The following ZNF202 variants were observed in gnomAD, a reference collection of about 807,000 sequenced individuals.
The protein encoded by ZNF202 is zinc finger protein 202, also known as zinc finger protein with KRAB and SCAN domains 10.
In ZNF202, 22 loss-of-function variants were observed where a neutral mutation model predicts 54.5. That is an observed-to-expected ratio of 0.40 (90% CI 0.29 to 0.58). The LOEUF is 0.58. Ranked by LOEUF, ZNF202 falls within the 20% of genes least tolerant of loss-of-function variation. The pLI is 0.39. For missense variants in ZNF202, 644 were observed against 805.5 expected (o/e 0.80, Z 2.43); for synonymous variants, 294 against 301.4 (o/e 0.98, Z 0.26).
chr11:123,736,752 T>G (rs2137366701), intron 3 of ZNF202, among the ~76,000 whole-genome samples: 1 of 152,338 alleles, frequency 6.6e-6, no homozygotes, highest in Non-Finnish European at 1.5e-5. Context: ...ACAATTTCCC[T>G]AAGCCTCAGT....
intron 7 of ZNF202, 29 bp downstream of exon 7, chr11:123,728,104 A>C (rs767613216): frequency 1.9e-6 from 3 of 1,595,394 alleles, no homozygotes; most frequent in Non-Finnish European, 2.6e-6. Context: ...CTGGGCTTAG[A>C]ACACTCTAGA....
chr11:123,732,839 CTT>C (rs1861469195), intron 3 of ZNF202, among the ~76,000 whole-genome samples: 1 of 152,158 alleles, frequency 6.6e-6, no homozygotes, highest in African/African-American at 2.4e-5. Context: ...TTTACTATCT[CTT>C]GATTATTCAC....
rs965676802 is a variant in ZNF202, at chr11:123,724,943, G to C, written c.*1054C>G. On this transcript the variant is annotated 3_prime_UTR_variant, in exon 9 of 9. Transcript: ENST00000530393. ...TCTTATTTTCCATAATTTGGTCTTA[G>C]TCGTTCTCCAGTTGTCTTCATGTAA... 6.6e-6 allele frequency: 1 copy of C among 152,196 alleles called. No individual in the cohort carries two copies. Among genetic ancestry groups the C allele is most frequent in the Non-Finnish European group, 1.5e-5 (1 of 68,062 alleles). 9.4% of individuals were successfully genotyped at this position (152,196 alleles called of 1,614,324 possible). A position where few individuals can be genotyped will look rare whatever the true frequency, so the allele number is the denominator to read the frequency against.
At chr11:123,736,909 G>A (rs1009543963) in intron 3 of ZNF202, among the ~76,000 whole-genome samples, 9 of 152,122 alleles carry the variant, frequency 5.9e-5, no homozygotes, top group Non-Finnish European at 1.3e-4. Context: ...CAAGCTATTT[G>A]AAATCGTTTT....
In ZNF202 at chr11:123,725,350, T is replaced by TG. The variant is rs1024604360; in HGVS notation, c.*646dup. 6.6e-6 allele frequency: 1 copy of TG among 152,218 alleles called. No individual in the cohort carries two copies. The highest frequency in any genetic ancestry group is 2.4e-5 in the African/African-American group (1 of 41,424). The allele number at this position is 152,218 out of a possible 1,614,324, so 9.4% of individuals were successfully genotyped here. ...TTGGCACCTGATAACAATTTGACGCTGGGGGAGGGAGCAGCTTGACAAGGT... is the reference window on the plus strand; with the variant it reads ...TTGGCACCTGATAACAATTTGACGCTGGGGGGAGGGAGCAGCTTGACAAGGT... On this transcript the variant is annotated 3_prime_UTR_variant, in exon 9 of 9. Coordinates refer to ENST00000530393, the MANE Select transcript of ZNF202 (RefSeq NM_003455.4).
Position 123,725,396 on chromosome 11 carries a change from A to AT in ZNF202, c.*600dup, listed in dbSNP as rs932808382. Reference sequence around the variant, plus strand: ...AAGGTCCACATGAAGCAGCCTTGAGATTTTTCGCCCACTTCCATTTCTCCT... The same window carrying AT: ...AAGGTCCACATGAAGCAGCCTTGAGATTTTTTCGCCCACTTCCATTTCTCCT... On this transcript the variant is annotated 3_prime_UTR_variant, in exon 9 of 9. Transcript: ENST00000530393. 2.6e-5 allele frequency: 4 copies of AT among 152,322 alleles called. No individual in the cohort carries two copies. The highest frequency in any genetic ancestry group is 4.8e-5 in the African/African-American group (2 of 41,534). 9.4% of individuals were successfully genotyped at this position (152,322 alleles called of 1,614,324 possible). A position where few individuals can be genotyped will look rare whatever the true frequency, so the allele number is the denominator to read the frequency against.
chr11:123,731,577 C>T (rs1861407832), intron 3 of ZNF202, among the ~76,000 whole-genome samples: 1 of 152,214 alleles, frequency 6.6e-6, no homozygotes, highest in South Asian at 2.1e-4. Flanking sequence ...TGGAGTCAAG[C>T]TGCCTGGGTT....
chr11:123,730,506 G>T lies in ZNF202; in HGVS notation c.383C>A (p.Pro128His). The part of the protein sequence containing the change: ...VTLVEGLQKQ[P>H]RRPRRWVTVH... ...CCTCACCCACCGCCTTGGTCTCCTG[G>T]GTTGTTTCTGCAAACCCTCCACCAG... The change falls in exon 4 of 9, where the codon CCC becomes CAC. Residue 128 changes from proline (P) to histidine (H), a missense_variant. By Grantham distance (77) the Pro-to-His change is moderately conservative. This residue lies in a region of ZNF202 where 62 missense variants were observed against 122.8 expected (regional missense o/e 0.50). Coordinates refer to ENST00000530393, the MANE Select transcript of ZNF202 (RefSeq NM_003455.4). The surrounding 1 kb of genome is among the most constrained non-coding windows in gnomAD (Gnocchi z 6.0). The T allele has an allele frequency of 1.3e-6, 2 of 1,533,760 alleles. No individual in the cohort carries two copies. The highest frequency in any genetic ancestry group is 1.7e-6 in the Non-Finnish European group (2 of 1,143,192).
At chr11:123,731,706 T>C (rs868449144) in intron 3 of ZNF202, among the ~76,000 whole-genome samples, 3 of 152,240 alleles carry the variant, frequency 2.0e-5, no homozygotes, top group African/African-American at 7.2e-5. Context: ...TTTTATCTAA[T>C]AGGCTTACTG....
chr11:123,728,277 G>C lies in ZNF202; in HGVS notation c.703-15C>G. ...GTTACCAGTCCCTGAAACCACATAAGGATTTCATCAAAACGTGATGCTACG... is the reference window on the plus strand; with the variant it reads ...GTTACCAGTCCCTGAAACCACATAACGATTTCATCAAAACGTGATGCTACG... On this transcript the variant is annotated splice_polypyrimidine_tract_variant and intron_variant, in intron 6 of 8. Transcript: ENST00000530393. The C allele has an allele frequency of 1.3e-6, 2 of 1,599,674 alleles. No individual in the cohort carries two copies. The highest frequency in any genetic ancestry group is 1.7e-6 in the Non-Finnish European group (2 of 1,172,658).
At chr11:123,727,016 G>A (rs1196540964) in intron 8 of ZNF202, 25 bp from the exon 9 acceptor site, 2 of 1,587,082 alleles carry the variant, frequency 1.3e-6, no homozygotes, top group East Asian at 2.2e-5. Flanking sequence ...AGAGGAAAAA[G>A]GGGGTCACTG....
In ZNF202 at chr11:123,730,616, C is replaced by T; in HGVS notation, c.273G>A (p.Leu91=). ...TKEQILELLV[L]EQFLTVLPGE... ...CAGGTAGGACGGTAAGAAATTGTTC[C>T]AGCACAAGCAGCTCTAGGATCTGCT... The change falls in exon 4 of 9, where the codon CTG becomes CTA. Residue 91 remains leucine, a synonymous_variant. Transcript: ENST00000530393. This position sits in a 1 kb window ranked among gnomAD's most constrained non-coding sequence, Gnocchi z 6.0. 1 of 1,612,768 alleles carries T rather than the reference C, an allele frequency of 6.2e-7. No homozygotes were observed. Among genetic ancestry groups the T allele is most frequent in the Non-Finnish European group, 8.5e-7 (1 of 1,179,236 alleles).
rs1202447662 is a variant in ZNF202 at position 123,726,532 on chromosome 11, G to C, written c.1412C>G (p.Ala471Gly). The C allele has an allele frequency of 6.2e-7, 1 of 1,614,130 alleles. No homozygotes were observed. The highest frequency in any genetic ancestry group is 1.3e-5 in the African/African-American group (1 of 74,946). ...TTTCTCCACTGATGGAGTTCTCTCA[G>C]CCTGTGTCACAGGGGAGGTCTCTTC... Reference protein sequence around the residue: ...NLEETSPVTQAERTPSVEKPY... With the variant: ...NLEETSPVTQGERTPSVEKPY... Residue 471 changes from alanine to glycine, a missense_variant, in exon 9 of 9, where the codon GCT (alanine) becomes GGT (glycine). Ala to Gly is a moderately conservative substitution (Grantham distance 60). Around this residue, in one of 3 missense-constraint regions of ZNF202, gnomAD observed 536 missense variants for 635.3 expected, o/e 0.84. Transcript: ENST00000530393. This position sits in a 1 kb window ranked among gnomAD's most constrained non-coding sequence, Gnocchi z 6.0.
In ZNF202 at chr11:123,730,891, C is replaced by G; in HGVS notation, c.-3G>C. 4 of 1,610,588 alleles carry G rather than the reference C, an allele frequency of 2.5e-6. No individual in the cohort carries two copies. Among genetic ancestry groups the G allele is most frequent in the Non-Finnish European group, 2.5e-6 (3 of 1,177,820 alleles). Reference sequence around the variant, plus strand: ...TCTGGTTCCACGGCTGTAGCCATTTCTTGGCTTTGGGGTGGTCTCACACCA... The same window carrying G: ...TCTGGTTCCACGGCTGTAGCCATTTGTTGGCTTTGGGGTGGTCTCACACCA... On this transcript the variant is annotated 5_prime_UTR_variant, in exon 4 of 9. Transcript: ENST00000530393. This position sits in a 1 kb window ranked among gnomAD's most constrained non-coding sequence, Gnocchi z 6.0.
intron 7 of ZNF202, 51 bp from the exon 8 acceptor site, chr11:123,727,646 G>C (rs763367711): frequency 8.1e-6 from 13 of 1,610,308 alleles, no homozygotes; most frequent in Non-Finnish European, 1.1e-5. Context: ...ACAATTCCCT[G>C]TGTTAAGAGC....
chr11:123,729,308 T>G, intron 5 of ZNF202, 94 bp from the exon 6 acceptor site: 1 of 1,285,376 alleles, frequency 7.8e-7, no homozygotes, highest in Non-Finnish European at 1.1e-6. Context: ...GGTAGGAAGG[T>G]GGCCCTATCC....
Position 123,726,829 on chromosome 11 carries a change from G to C in ZNF202, c.1115C>G (p.Thr372Ser), listed in dbSNP as rs1194921369. The change falls in exon 9 of 9, where the codon ACT (threonine) becomes AGT (serine). Residue 372 changes from threonine (T) to serine (S), a missense_variant. Thr to Ser is a moderately conservative substitution (Grantham distance 58). Transcript: ENST00000530393. This position sits in a 1 kb window ranked among gnomAD's most constrained non-coding sequence, Gnocchi z 6.0. Reference protein sequence around the residue: ...PGRLNERRFGTNISQVNSFVN... With the variant: ...PGRLNERRFGSNISQVNSFVN... ...AAAACTATTCACTTGAGAAATATTA[G>C]TACCAAATCTTCTTTCATTAAGTCT... 6.2e-7 allele frequency: 1 copy of C among 1,614,196 alleles called. No homozygotes were observed. Among genetic ancestry groups the C allele is most frequent in the African/African-American group, 1.3e-5 (1 of 75,034 alleles).
intron 8 of ZNF202, 95 bp downstream of exon 8, chr11:123,727,379 AAG>A: frequency 6.6e-7 from 1 of 1,525,698 alleles, no homozygotes; most frequent in Admixed American, 1.9e-5. Context: ...GACATGTTAG[AAG>A]AACTGATGAG....
At chr11:123,731,422 G>A (rs1420432596) in intron 3 of ZNF202, among the ~76,000 whole-genome samples, 8 of 152,204 alleles carry the variant, frequency 5.3e-5, no homozygotes, top group Non-Finnish European at 1.2e-4. Context: ...GCAAAACATA[G>A]TATCACACAT....
Sources: gnomAD v4.1 joint callset for allele counts (sites outside exome capture counted in the v4.1 genomes callset) on GRCh38, gnomAD v4.1.1 for gene constraint, gnomAD v4.1.1 regional missense constraint, Gnocchi (gnomAD v3.1) non-coding constraint, MANE v1.5 for transcripts, NCBI Gene and HGNC (gene_info 2026-07-23, HGNC 2026-07-21) for gene names.